Variants in ST6GAL1 observed in about 807,000 individuals in gnomAD.
ST6GAL1 encodes the protein ST6 beta-galactoside alpha-2,6-sialyltransferase 1, also known as beta-galactoside alpha-2,6-sialyltransferase 1.
ST6GAL1 carries 20 observed loss-of-function variants against 38.0 expected under a neutral mutation model. That is an observed-to-expected ratio of 0.53 (90% CI 0.37 to 0.77). The LOEUF is 0.77. ST6GAL1 is among the 30% of genes least tolerant of loss of function. The probability of loss-of-function intolerance (pLI) is 0.00; values close to 1 mark genes in which losing one functional copy is unlikely to be tolerated. For synonymous variants in ST6GAL1, 196 were observed against 188.2 expected, an observed-to-expected ratio of 1.04 and a Z score of -0.34; for missense variants, 432 against 496.4, an observed-to-expected ratio of 0.87 and a Z score of 1.23.
chr3:186,944,801 C>T (rs1376083161), intron 1 of ST6GAL1, among the ~76,000 whole-genome samples: 1 of 152,172 alleles, frequency 6.6e-6, no homozygotes, highest in Admixed American at 6.5e-5. Context: ...TCTGCGGAGG[C>T]ACTCGTCGCT....
At chr3:186,938,213 A>G (rs1714032617) in intron 1 of ST6GAL1, among the ~76,000 whole-genome samples, 1 of 152,214 alleles carries the variant, frequency 6.6e-6, no homozygotes, top group African/African-American at 2.4e-5. Flanking sequence ...AACTTCATGG[A>G]TTTAGTTCAA....
At chr3:187,016,951 T>G (rs1717136377) in intron 2 of ST6GAL1, among the ~76,000 whole-genome samples, 1 of 152,230 alleles carries the variant, frequency 6.6e-6, no homozygotes, top group South Asian at 2.1e-4. Flanking sequence ...TCTCCAGCAG[T>G]ACTGACTCAC....
rs943544362 is a variant in ST6GAL1, at chr3:187,075,647, C to T, written c.1065C>T (p.Tyr355=). Residue 355 remains tyrosine (Y), a synonymous_variant, in exon 8 of 8, where the codon TAC becomes TAT. Transcript: ENST00000169298. The surrounding 1 kb of genome is among the most constrained non-coding windows in gnomAD (Gnocchi z 4.1). The part of the protein sequence containing the change: ...PSKRKTDVCY[Y]YQKFFDSACT... ...AGCGCAAGACTGACGTGTGCTACTA[C>T]TACCAGAAGTTCTTCGATAGTGCCT... The T allele has an allele frequency of 7.4e-6, 12 of 1,614,110 alleles. No individual in the cohort carries two copies. The highest frequency in any genetic ancestry group is 1.0e-5 in the Non-Finnish European group (12 of 1,180,038).
At chr3:186,948,372 T>G (rs1159477308) in intron 1 of ST6GAL1, among the ~76,000 whole-genome samples, 2 of 152,108 alleles carry the variant, frequency 1.3e-5, no homozygotes. Flanking sequence ...TCAAAGAAAT[T>G]GGGCTTCTGA....
chr3:186,993,198 G>A (rs959628259), intron 2 of ST6GAL1, among the ~76,000 whole-genome samples: 6 of 152,204 alleles, frequency 3.9e-5, no homozygotes, highest in Non-Finnish European at 8.8e-5. Context: ...GTTCTTAAAG[G>A]AATCTAATTC....
At chr3:187,002,358 A>G (rs981029502) in intron 2 of ST6GAL1, among the ~76,000 whole-genome samples, 1 of 152,248 alleles carries the variant, frequency 6.6e-6, no homozygotes, top group African/African-American at 2.4e-5. Context: ...TGTCTACATG[A>G]TAAGGTAAAA....
chr3:186,994,442 G>A (rs1318968367), intron 2 of ST6GAL1, among the ~76,000 whole-genome samples: 2 of 152,194 alleles, frequency 1.3e-5, no homozygotes, highest in Non-Finnish European at 2.9e-5. Flanking sequence ...GATTCACTGA[G>A]TGAATTTTAT....
At position 187,076,977 on chromosome 3, in the gene ST6GAL1, T is replaced by TTTTG. The variant is rs113919686; in HGVS notation, c.*1177_*1178insGTTT. On this transcript the variant is annotated 3_prime_UTR_variant, in exon 8 of 8. Transcript: ENST00000169298. ...CAAATCTTCTCCTAACCACCATCTG[T>TTTTG]TTTTTTTTTTTAAAGCATTTTTTGC... 4.4e-5 allele frequency: 11 copies of TTTTG among 252,452 alleles called. No homozygotes were observed. In the African/African-American group the frequency reaches 1.3e-3, roughly 30 times the overall value. The allele number at this position is 252,452 out of a possible 1,614,324, so 15.6% of individuals were successfully genotyped here. A position where few individuals can be genotyped will look rare whatever the true frequency, so the allele number is the denominator to read the frequency against.
In ST6GAL1 at chr3:187,064,429, C is replaced by T. The variant is rs113569169; in HGVS notation, c.706-8420C>T. 4.4e-3 allele frequency: 1,942 copies of T among 439,544 alleles called. 24 individuals are homozygous for T. The highest frequency in any genetic ancestry group is 0.035 in the African/African-American group (1,728 of 49,854). 27.2% of individuals were successfully genotyped at this position (439,544 alleles called of 1,614,324 possible). ...TCACAAAGGGTTGCGAAATAGCTCC[C>T]GTGGAATCAGAATCTGACAGGGAGG... On this transcript the variant is annotated intron_variant, in intron 5 of 7. Coordinates refer to ENST00000169298, the MANE Select transcript of ST6GAL1 (RefSeq NM_173216.2).
intron 2 of ST6GAL1, among the ~76,000 whole-genome samples, chr3:187,017,282 G>A (rs1279986872): frequency 6.6e-6 from 1 of 152,160 alleles, no homozygotes; most frequent in Non-Finnish European, 1.5e-5. Flanking sequence ...AACCCTCTGT[G>A]AACTTTTACA....
At chr3:186,992,428 C>G (rs1229660998) in intron 2 of ST6GAL1, among the ~76,000 whole-genome samples, 1 of 152,144 alleles carries the variant, frequency 6.6e-6, no homozygotes, top group Admixed American at 6.6e-5. Context: ...ATTACCCAGT[C>G]TCCGGCAGTT....
In ST6GAL1 at chr3:186,966,055, C is replaced by T. The variant is rs1290515769; in HGVS notation, c.-183+2129C>T. Among the ~76,000 whole-genome samples, 5 of 152,116 alleles carry T rather than the reference C, an allele frequency of 3.3e-5. No homozygotes were observed. The East Asian group carries it at 5.8e-4, about 18-fold the overall frequency. On this transcript the variant is annotated intron_variant, in intron 2 of 7. Coordinates refer to ENST00000169298, the MANE Select transcript of ST6GAL1 (RefSeq NM_173216.2). ...CTGGGATTCTAGGCATGGGCCACCA[C>T]GCTGGCTAATTATTTTGTATTTTTA...
intron 2 of ST6GAL1, among the ~76,000 whole-genome samples, chr3:186,975,797 T>G (rs1715501756): frequency 1.3e-5 from 2 of 152,018 alleles, no homozygotes; most frequent in Non-Finnish European, 2.9e-5. Context: ...CAGAAGTGAG[T>G]GAGGCTGGCA....
chr3:187,074,356 A>C (rs1719489980), intron 7 of ST6GAL1, 23 bp downstream of exon 7: 1 of 1,523,304 alleles, frequency 6.6e-7, no homozygotes, highest in East Asian at 2.4e-5. Context: ...CGGGGAAAAG[A>C]CCTTGCATGT....
rs1714624098 is a variant in ST6GAL1, at chr3:186,952,703, C to T, written c.-324-11082C>T. On this transcript the variant is annotated intron_variant, in intron 1 of 7. Coordinates refer to ENST00000169298, the MANE Select transcript of ST6GAL1 (RefSeq NM_173216.2). The surrounding 1 kb of genome is among the most constrained non-coding windows in gnomAD (Gnocchi z 4.1). ...CTTCTCTGTCTCCTCATGCCCTGGC[C>T]ATCTCATATCATCAATTTCCTGACA... Among the ~76,000 whole-genome samples the T allele has an allele frequency of 6.6e-6, 1 of 152,056 alleles. No individual in the cohort carries two copies. Among genetic ancestry groups the T allele is most frequent in the South Asian group, 2.1e-4 (1 of 4,812 alleles).
At position 187,051,291 on chromosome 3, in the gene ST6GAL1, C is replaced by A; in HGVS notation, c.650C>A (p.Ala217Asp). ...AVLRFNGAPT[A>D]NFQQDVGTKT... ...CTGAGGTTTAATGGGGCACCCACAG[C>A]CAACTTCCAACAAGATGTGGGCACA... Residue 217 changes from alanine to aspartate, a missense_variant, in exon 5 of 8, where the codon GCC becomes GAC. By Grantham distance (126) the Ala-to-Asp change is moderately radical. Coordinates refer to ENST00000169298, the MANE Select transcript of ST6GAL1 (RefSeq NM_173216.2). The A allele has an allele frequency of 6.2e-6, 10 of 1,614,146 alleles. No homozygotes were observed. Among genetic ancestry groups the A allele is most frequent in the Non-Finnish European group, 8.5e-6 (10 of 1,180,022 alleles).
intron 1 of ST6GAL1, among the ~76,000 whole-genome samples, chr3:186,946,216 G>A (rs1289547488): frequency 6.6e-6 from 1 of 151,800 alleles, no homozygotes; most frequent in Non-Finnish European, 1.5e-5. Context: ...GTGGGGCTGA[G>A]GCAGAAGAGT....
At chr3:187,068,194 T>C (rs975989890) in intron 5 of ST6GAL1, among the ~76,000 whole-genome samples, 1 of 151,924 alleles carries the variant, frequency 6.6e-6, no homozygotes, top group Admixed American at 6.5e-5. Flanking sequence ...TACAAAAAAT[T>C]AGCTGGGTGT....
intron 2 of ST6GAL1, among the ~76,000 whole-genome samples, chr3:186,991,594 C>T (rs1355437181): frequency 2.0e-5 from 3 of 152,186 alleles, no homozygotes; most frequent in Non-Finnish European, 2.9e-5. Context: ...GGCCATTTCA[C>T]TCACTCTCCC....
Sources: allele counts gnomAD v4.1 joint callset (sites outside exome capture counted in the v4.1 genomes callset), GRCh38; gene constraint gnomAD v4.1.1; non-coding constraint Gnocchi (gnomAD v3.1); transcripts MANE v1.5; gene names NCBI Gene and HGNC (gene_info 2026-07-23, HGNC 2026-07-21).